Variants in OTUD7A observed in about 807,000 individuals in gnomAD.
OTUD7A encodes OTU domain-containing protein 7A.
A neutral mutation model predicts 65.7 loss-of-function variants in OTUD7A; 12 were observed. That is an observed-to-expected ratio of 0.18 (90% CI 0.12 to 0.30). OTUD7A has a LOEUF of 0.30. Among genes scored for constraint, OTUD7A ranks in the 10% least tolerant of loss-of-function variants. The pLI is 1.00. For synonymous variants in OTUD7A, 641 were observed against 586.3 expected (o/e 1.09, Z -1.35); for missense variants, 1,148 against 1,304.8 (o/e 0.88, Z 1.85).
chr15:31,679,146 A>G (rs2141303650), intron 1 of OTUD7A, among the ~76,000 whole-genome samples: 1 of 152,254 alleles, frequency 6.6e-6, no homozygotes, highest in South Asian at 2.1e-4. Flanking sequence ...TGTTTTGGCT[A>G]ATTTCTCCAA....
chr15:31,814,383 CCCA>C (rs1363668964), intron 1 of OTUD7A, among the ~76,000 whole-genome samples: 3 of 152,226 alleles, frequency 2.0e-5, no homozygotes, highest in Non-Finnish European at 4.4e-5. Context: ...AACTGAGAAT[CCCA>C]CCAACAGCAC....
At chr15:31,842,208 G>A (rs145786546) in intron 1 of OTUD7A, among the ~76,000 whole-genome samples, 2 of 152,380 alleles carry the variant, frequency 1.3e-5, no homozygotes, top group South Asian at 2.1e-4. Flanking sequence ...TTAGAAGTGA[G>A]AGCAGTGGTG....
chr15:31,606,932 G>A (rs1890255701), intron 3 of OTUD7A, among the ~76,000 whole-genome samples: 1 of 152,180 alleles, frequency 6.6e-6, no homozygotes, highest in African/African-American at 2.4e-5. Flanking sequence ...GTGTTTATCA[G>A]TGATAGCACA....
chr15:31,680,062 A>C (rs1226406058), intron 1 of OTUD7A, among the ~76,000 whole-genome samples: 2 of 152,202 alleles, frequency 1.3e-5, no homozygotes, highest in Admixed American at 6.5e-5. Flanking sequence ...AAATTCGACA[A>C]GATAATCACT....
At chr15:31,493,657 G>A (rs934715785) in intron 10 of OTUD7A, among the ~76,000 whole-genome samples, 63 of 152,182 alleles carry the variant, frequency 4.1e-4, no homozygotes, top group African/African-American at 1.5e-3. Context: ...CAGAAATCAT[G>A]ATGTTTGTGC....
chr15:31,498,344 G>T lies in OTUD7A; in HGVS notation c.1171+3346C>A, dbSNP rs923054957. Among the ~76,000 whole-genome samples, 1 of 152,154 alleles carries T rather than the reference G, an allele frequency of 6.6e-6. No homozygotes were observed. The highest frequency in any genetic ancestry group is 1.5e-5 in the Non-Finnish European group (1 of 68,016). On this transcript the variant is annotated intron_variant, in intron 10 of 12. Coordinates refer to ENST00000307050, the MANE Select transcript of OTUD7A (RefSeq NM_001382637.1). This position sits in a 1 kb window ranked among gnomAD's most constrained non-coding sequence, Gnocchi z 4.2. The stretch of plus-strand genomic sequence containing the variant: ...GTTTCCTTTGATTTCTCCTGATGTG[G>T]GGGTACTAAATGGACTTTATTCCAA...
At chr15:31,581,733 T>C (rs1889379045) in intron 3 of OTUD7A, among the ~76,000 whole-genome samples, 1 of 152,206 alleles carries the variant, frequency 6.6e-6, no homozygotes, top group South Asian at 2.1e-4. Flanking sequence ...CATGAAACCA[T>C]TTTTTCCTCT....
intron 1 of OTUD7A, among the ~76,000 whole-genome samples, chr15:31,850,574 T>G (rs909839089): frequency 6.6e-6 from 1 of 150,520 alleles, no homozygotes; most frequent in African/African-American, 2.4e-5. Context: ...ATAATAATAA[T>G]AAAGAAAGAA....
intron 1 of OTUD7A, among the ~76,000 whole-genome samples, chr15:31,803,964 G>C (rs1318980374): frequency 2.0e-5 from 3 of 152,208 alleles, no homozygotes; most frequent in African/African-American, 7.2e-5. Flanking sequence ...GATGATACCA[G>C]ATGACAAGCT....
intron 1 of OTUD7A, among the ~76,000 whole-genome samples, chr15:31,787,041 C>T (rs1362124060): frequency 6.6e-6 from 1 of 152,198 alleles, no homozygotes; most frequent in Non-Finnish European, 1.5e-5. Flanking sequence ...AGCTTTTTCT[C>T]ATCAAACAAC....
chr15:31,643,154 T>A (rs140113833), intron 3 of OTUD7A, among the ~76,000 whole-genome samples: 4,736 of 113,588 alleles, frequency 0.042, 262 homozygotes, highest in African/African-American at 0.13. Flanking sequence ...TTTTTAATTA[T>A]TTTTTCTTTT....
At chr15:31,780,028 T>G (rs1291815316) in intron 1 of OTUD7A, among the ~76,000 whole-genome samples, 2 of 152,010 alleles carry the variant, frequency 1.3e-5, no homozygotes, top group Admixed American at 1.3e-4. Flanking sequence ...GGAGGGAGCA[T>G]GTCATCCTCA....
At chr15:31,751,853 C>G (rs1894645359) in intron 1 of OTUD7A, among the ~76,000 whole-genome samples, 1 of 151,992 alleles carries the variant, frequency 6.6e-6, no homozygotes, top group Non-Finnish European at 1.5e-5. Flanking sequence ...TGGGTATGCA[C>G]AGACATAAAG....
At chr15:31,660,920 C>T (rs1892143904) in intron 1 of OTUD7A, among the ~76,000 whole-genome samples, 1 of 152,218 alleles carries the variant, frequency 6.6e-6, no homozygotes, top group African/African-American at 2.4e-5. Flanking sequence ...ACCACTTGTA[C>T]CTGAGGCTCG....
Position 31,722,251 on chromosome 15 carries a change from C to T in OTUD7A, c.-99-65174G>A, listed in dbSNP as rs188017425. On this transcript the variant is annotated intron_variant, in intron 1 of 12. Coordinates refer to ENST00000307050, the MANE Select transcript of OTUD7A (RefSeq NM_001382637.1). ...GGTATGGACACAGTCAGTCCCTCCT[C>T]ACCTCAGCCACGCAGGAATGGCCCT... Among the ~76,000 whole-genome samples the T allele has an allele frequency of 2.0e-5, 3 of 152,308 alleles. No individual in the cohort carries two copies. The East Asian group carries it at 5.8e-4, about 29-fold the overall frequency.
intron 1 of OTUD7A, among the ~76,000 whole-genome samples, chr15:31,704,640 G>T (rs79607084): frequency 0.11 from 16,230 of 148,736 alleles, 1,255 homozygotes; most frequent in East Asian, 0.41. Context: ...TTAAAGGTAC[G>T]GTGAAAATTC....
At chr15:31,640,291 A>G (rs570243665) in intron 3 of OTUD7A, among the ~76,000 whole-genome samples, 39 of 152,310 alleles carry the variant, frequency 2.6e-4, no homozygotes, top group African/African-American at 9.1e-4. Flanking sequence ...AAGACTACAA[A>G]TAGGGTTCAG....
chr15:31,502,172 T>A (rs1187008831), intron 9 of OTUD7A, among the ~76,000 whole-genome samples: 1 of 152,228 alleles, frequency 6.6e-6, no homozygotes, highest in Non-Finnish European at 1.5e-5. Flanking sequence ...TGGTAAAGCA[T>A]TTGTATACAA....
chr15:31,819,726 A>C (rs1010341526), intron 1 of OTUD7A, among the ~76,000 whole-genome samples: 1 of 151,962 alleles, frequency 6.6e-6, no homozygotes, highest in South Asian at 2.1e-4. Flanking sequence ...TATATTATAC[A>C]GGTAACATAA....
Sources: gnomAD v4.1 joint callset for allele counts (sites outside exome capture counted in the v4.1 genomes callset) on GRCh38, gnomAD v4.1.1 for gene constraint, Gnocchi (gnomAD v3.1) non-coding constraint, MANE v1.5 for transcripts, NCBI Gene and HGNC (gene_info 2026-07-23, HGNC 2026-07-21) for gene names.